The following PITPNB variants were observed in gnomAD, a reference collection of about 807,000 sequenced individuals.
PITPNB encodes the protein phosphatidylinositol transfer protein beta isoform.
In PITPNB, 16 loss-of-function variants were observed where a neutral mutation model predicts 45.9. That is an observed-to-expected ratio of 0.35 (90% CI 0.24 to 0.53). The LOEUF (loss-of-function observed/expected upper bound fraction) is 0.53. Among genes scored for constraint, PITPNB ranks in the 20% least tolerant of loss-of-function variants. The pLI is 0.93. For missense variants in PITPNB, 188 were observed against 330.5 expected (o/e 0.57, Z 3.34); for synonymous variants, 112 against 108.9 (o/e 1.03, Z -0.18).
At chr22:27,868,145 A>G (rs1569008728) in intron 8 of PITPNB, among the ~76,000 whole-genome samples, 1 of 152,190 alleles carries the variant, frequency 6.6e-6, no homozygotes, top group Non-Finnish European at 1.5e-5. Context: ...ACATGTTTTC[A>G]AATGCTTCGT....
At chr22:27,890,585 C>G (rs952771896) in intron 7 of PITPNB, among the ~76,000 whole-genome samples, 3 of 152,096 alleles carry the variant, frequency 2.0e-5, no homozygotes, top group African/African-American at 7.2e-5. Flanking sequence ...GAGGCTGAAG[C>G]AGGAGGATCA....
In PITPNB at chr22:27,858,395, G is replaced by A; in HGVS notation, c.760C>T (p.Leu254=). The change falls in exon 10 of 12, where the codon CTA becomes TTA. Residue 254 remains leucine (L), a synonymous_variant. Transcript: ENST00000335272. ...AGAACAGCCAGTCTTACTGTTTCTA[G>A]TTCTTTCTGAGTCTCGTCTTCCATT... is the stretch of plus-strand genomic sequence containing the variant. ...RRMEDETQKE[L]ETMRKRGSVR... 1.2e-6 allele frequency: 2 copies of A among 1,606,422 alleles called. No individual in the cohort carries two copies. Among genetic ancestry groups the A allele is most frequent in the Admixed American group, 3.4e-5 (2 of 58,442 alleles).
rs1935386938 is a variant in PITPNB at position 27,894,768 on chromosome 22, T to C, written c.373-130A>G. 17 of 496,998 alleles carry C rather than the reference T, an allele frequency of 3.4e-5. No individual in the cohort carries two copies. In the East Asian group the frequency reaches 5.0e-4, roughly 15 times the overall value. The allele number at this position is 496,998 out of a possible 1,614,324, so 30.8% of individuals were successfully genotyped here. Reference sequence around the variant, plus strand: ...TTAAAAGACCCAAATTATTATTTCATTATATTAGCTGTCTGACATTTTGCA... The same window carrying C: ...TTAAAAGACCCAAATTATTATTTCACTATATTAGCTGTCTGACATTTTGCA... On this transcript the variant is annotated intron_variant, in intron 6 of 11. Coordinates refer to ENST00000335272, the MANE Select transcript of PITPNB (RefSeq NM_012399.5).
At chr22:27,908,017 C>G (rs185622673) in intron 3 of PITPNB, among the ~76,000 whole-genome samples, 1 of 151,844 alleles carries the variant, frequency 6.6e-6, no homozygotes, top group East Asian at 2.0e-4. Flanking sequence ...TATTTAACCA[C>G]TGAAAGCCTG....
chr22:27,874,736 C>T (rs865830499), intron 7 of PITPNB, among the ~76,000 whole-genome samples: 8 of 152,128 alleles, frequency 5.3e-5, no homozygotes, highest in Non-Finnish European at 5.9e-5. Context: ...ATAACTTGAC[C>T]GTGGTCGGTT....
At chr22:27,879,212 G>A (rs751052267) in intron 7 of PITPNB, among the ~76,000 whole-genome samples, 7 of 152,130 alleles carry the variant, frequency 4.6e-5, no homozygotes, top group Non-Finnish European at 8.8e-5. Context: ...TGTTTATGGA[G>A]GCAGACTCCT....
chr22:27,913,587 C>G (rs941437651), intron 2 of PITPNB, among the ~76,000 whole-genome samples: 2 of 152,180 alleles, frequency 1.3e-5, no homozygotes, highest in Non-Finnish European at 1.5e-5. Flanking sequence ...TGTATCATGT[C>G]CAGACTGAGG....
At chr22:27,882,314 A>T (rs1235247456) in intron 7 of PITPNB, among the ~76,000 whole-genome samples, 1 of 152,232 alleles carries the variant, frequency 6.6e-6, no homozygotes, top group African/African-American at 2.4e-5. Flanking sequence ...AACTCAAAAA[A>T]TGGAATGGTA....
chr22:27,897,177 A>T (rs1271656033), intron 4 of PITPNB, 40 bp from the exon 5 acceptor site: 2 of 1,400,678 alleles, frequency 1.4e-6, no homozygotes, highest in Admixed American at 3.3e-5. Context: ...AAGGAGAAAA[A>T]TTTCAGAATA....
At chr22:27,895,493 G>C (rs1935406242) in intron 6 of PITPNB, among the ~76,000 whole-genome samples, 2 of 151,468 alleles carry the variant, frequency 1.3e-5, no homozygotes, top group African/African-American at 4.8e-5. Flanking sequence ...GGGAGGCTGA[G>C]GCAGGAGAAT....
At position 27,858,454 on chromosome 22, in the gene PITPNB, T is replaced by A; in HGVS notation, c.701A>T (p.Lys234Met). The A allele has an allele frequency of 6.2e-7, 1 of 1,610,816 alleles. No homozygotes were observed. Among genetic ancestry groups the A allele is most frequent in the Non-Finnish European group, 8.5e-7 (1 of 1,177,686 alleles). ...GTCTTCCATCGTGAGATCGATCCAC[T>A]TGTCAATCCAACAAAAAAGCTGGCG... Reference protein sequence around the residue: ...FHRQLFCWIDKWIDLTMEDIR... With the variant: ...FHRQLFCWIDMWIDLTMEDIR... The change falls in exon 10 of 12, where the codon AAG becomes ATG. Residue 234 changes from lysine (K) to methionine (M), a missense_variant. Lys to Met is a moderately conservative substitution (Grantham distance 95, BLOSUM62 -1). Transcript: ENST00000335272.
chr22:27,875,325 A>G (rs1044171542), intron 7 of PITPNB, among the ~76,000 whole-genome samples: 1 of 152,268 alleles, frequency 6.6e-6, no homozygotes, highest in African/African-American at 2.4e-5. Context: ...TTACCCAGGA[A>G]CGACAAACTG....
chr22:27,871,514 C>T (rs1934658447), intron 8 of PITPNB, among the ~76,000 whole-genome samples: 1 of 152,130 alleles, frequency 6.6e-6, no homozygotes, highest in Non-Finnish European at 1.5e-5. Context: ...TGGAGGTAGC[C>T]ACCATCTGGG....
At chr22:27,901,827 T>C (rs906028497) in intron 3 of PITPNB, among the ~76,000 whole-genome samples, 10 of 152,006 alleles carry the variant, frequency 6.6e-5, no homozygotes, top group African/African-American at 2.4e-4. Context: ...GACGCTGCAG[T>C]GAGCCAAGAT....
intron 3 of PITPNB, among the ~76,000 whole-genome samples, chr22:27,909,484 G>GAAT (rs1174466170): frequency 6.6e-6 from 1 of 152,052 alleles, no homozygotes; most frequent in East Asian, 1.9e-4. Flanking sequence ...GAAAGCATAT[G>GAAT]AAGAGTCAAA....
chr22:27,912,851 G>A (rs1935968109), intron 2 of PITPNB, among the ~76,000 whole-genome samples: 1 of 151,252 alleles, frequency 6.6e-6, no homozygotes. Context: ...GTGCGGTGGC[G>A]GGTGCCTGTA....
At chr22:27,874,354 G>C (rs2146367464) in intron 7 of PITPNB, among the ~76,000 whole-genome samples, 1 of 152,130 alleles carries the variant, frequency 6.6e-6, no homozygotes, top group Non-Finnish European at 1.5e-5. Context: ...CCAAACCCTT[G>C]TTCGAGAGCC....
chr22:27,902,612 G>A (rs984765946), intron 3 of PITPNB, among the ~76,000 whole-genome samples: 1 of 152,156 alleles, frequency 6.6e-6, no homozygotes, highest in African/African-American at 2.4e-5. Flanking sequence ...AAATACAGAT[G>A]TAAATCTTTA....
At chr22:27,885,567 T>G (rs1935100505) in intron 7 of PITPNB, among the ~76,000 whole-genome samples, 1 of 152,154 alleles carries the variant, frequency 6.6e-6, no homozygotes, top group African/African-American at 2.4e-5. Context: ...TGGAGTACAG[T>G]GGCATGATCA....
Sources: gnomAD v4.1 joint callset for allele counts (sites outside exome capture counted in the v4.1 genomes callset) on GRCh38, gnomAD v4.1.1 for gene constraint, MANE v1.5 for transcripts, NCBI Gene and HGNC (gene_info 2026-07-23, HGNC 2026-07-21) for gene names.